The following RTF2 variants were observed in gnomAD, a reference collection of about 807,000 sequenced individuals.
RTF2 encodes replication termination factor 2, also known as UPF0549 protein C20orf43.
Under a neutral mutation model 38.0 loss-of-function variants are expected in RTF2, and 18 were observed. The observed-to-expected ratio is 0.47, with a 90% confidence interval of 0.33 to 0.70. The LOEUF (loss-of-function observed/expected upper bound fraction) is 0.70. Among genes scored for constraint, RTF2 ranks in the 30% least tolerant of loss-of-function variants. The pLI is 0.02. For missense variants in RTF2, 311 were observed against 379.6 expected (o/e 0.82, Z 1.50); for synonymous variants, 126 against 137.1 (o/e 0.92, Z 0.57).
chr20:56,492,594 T>G lies in RTF2; in HGVS notation c.477+8405T>G, dbSNP rs543684391. Among the ~76,000 whole-genome samples the G allele has an allele frequency of 5.3e-5, 8 of 151,754 alleles. No homozygotes were observed. The East Asian group carries it at 1.6e-3, about 31-fold the overall frequency. On this transcript the variant is annotated intron_variant, in intron 5 of 8. Coordinates refer to ENST00000357348, the MANE Select transcript of RTF2 (RefSeq NM_016407.5). ...TTTTTTTTAAAGTGGGAATTAGAGTTGGAATCCAGTGGTGACTGGATTCCT... is the reference window on the plus strand; with the variant it reads ...TTTTTTTTAAAGTGGGAATTAGAGTGGGAATCCAGTGGTGACTGGATTCCT...
intron 5 of RTF2, among the ~76,000 whole-genome samples, chr20:56,492,678 C>G (rs1452999855): frequency 6.6e-6 from 1 of 151,958 alleles, no homozygotes; most frequent in African/African-American, 2.4e-5. Context: ...TCTTTCTGCT[C>G]TTGCTTTTAA....
intron 4 of RTF2, 50 bp from the exon 5 acceptor site, chr20:56,484,061 A>G (rs779307614): frequency 6.7e-7 from 1 of 1,488,122 alleles, no homozygotes; most frequent in African/African-American, 1.4e-5. Flanking sequence ...ATAAATGTGA[A>G]TTGATCATGT....
chr20:56,472,087 G>A (rs1981999544), intron 1 of RTF2, among the ~76,000 whole-genome samples: 1 of 151,296 alleles, frequency 6.6e-6, no homozygotes, highest in Admixed American at 6.6e-5. Context: ...GCTGGGAATT[G>A]GCGCTTGCTT....
intron 5 of RTF2, among the ~76,000 whole-genome samples, chr20:56,511,109 C>G (rs1984637384): frequency 6.6e-6 from 1 of 152,062 alleles, no homozygotes; most frequent in African/African-American, 2.4e-5. Context: ...CATGGTAAAA[C>G]TTATTTTTTT....
rs541963959 is a variant in RTF2 at position 56,474,585 on chromosome 20, A to C, written c.165-93A>C. On this transcript the variant is annotated intron_variant, in intron 2 of 8. Transcript: ENST00000357348. ...TCAGGGTATTTCTCTTATCAAATGT[A>C]AACGACTTTTGGATTGTGTTCAGTT... The C allele has an allele frequency of 5.5e-6, 4 of 722,740 alleles. No homozygotes were observed. The Admixed American group carries it at 1.1e-4, about 20-fold the overall frequency. The allele number at this position is 722,740 out of a possible 1,614,324, so 44.8% of individuals were successfully genotyped here.
chr20:56,495,952 G>C (rs995010222), intron 5 of RTF2, among the ~76,000 whole-genome samples: 2 of 152,204 alleles, frequency 1.3e-5, no homozygotes, highest in African/African-American at 4.8e-5. Context: ...CCATCTTACA[G>C]AGAGCCCTTA....
chr20:56,510,671 G>A (rs1039610515), intron 5 of RTF2, among the ~76,000 whole-genome samples: 24 of 152,242 alleles, frequency 1.6e-4, no homozygotes, highest in Non-Finnish European at 3.1e-4. Context: ...TAGGCATGGT[G>A]GCTCACGCCT....
chr20:56,473,368 G>T lies in RTF2; in HGVS notation c.137G>T (p.Arg46Leu). 4 of 1,613,016 alleles carry T rather than the reference G, an allele frequency of 2.5e-6. No individual in the cohort carries two copies. The South Asian group carries it at 4.4e-5, about 18-fold the overall frequency. ...YCTLSQEILR[R>L]PIVACELGRL... is the part of the protein sequence containing the mutation. ...ACTCTAAGTCAGGAAATATTAAGAC[G>T]ACCAATAGTTGCCTGTGAACTTGGC... is the stretch of plus-strand genomic sequence containing the variant. The change falls in exon 2 of 9, where the codon CGA becomes CTA. Residue 46 changes from arginine to leucine, a missense_variant. By Grantham distance (102) the Arg-to-Leu change is moderately radical. Transcript: ENST00000357348.
Position 56,484,133 on chromosome 20 carries a change from G to A in RTF2, c.421G>A (p.Gly141Ser), listed in dbSNP as rs760304536. The A allele has an allele frequency of 4.3e-6, 7 of 1,613,932 alleles. No homozygotes were observed. Among genetic ancestry groups the A allele is most frequent in the East Asian group, 2.2e-5 (1 of 44,888 alleles). ...CAGGTTCTGCTTCCTTCGGTGCTGC[G>A]GCTGTGTGTTTTCTGAGCGAGCCTT... is the stretch of plus-strand genomic sequence containing the variant. ...RHRFCFLRCCGCVFSERALKE... is the reference protein window; with the variant it reads ...RHRFCFLRCCSCVFSERALKE... The change falls in exon 5 of 9, where the codon GGC (glycine) becomes AGC (serine). Residue 141 changes from glycine to serine, a missense_variant. Coordinates refer to ENST00000357348, the MANE Select transcript of RTF2 (RefSeq NM_016407.5).
At position 56,517,200 on chromosome 20, in the gene RTF2, A is replaced by G; in HGVS notation, c.741A>G (p.Thr247=). 2 of 1,613,390 alleles carry G rather than the reference A, an allele frequency of 1.2e-6. No individual in the cohort carries two copies. Among genetic ancestry groups the G allele is most frequent in the Non-Finnish European group, 1.7e-6 (2 of 1,179,458 alleles). Residue 247 remains threonine (T), a splice_region_variant and synonymous_variant, in exon 8 of 9, where the codon ACA becomes ACG. Coordinates refer to ENST00000357348, the MANE Select transcript of RTF2 (RefSeq NM_016407.5). ...AAACCAACTTGGCTCCCAAAAGCAC[A>G]GGTGGGTCCTGTTGTAGCTACAGGG... The part of the protein sequence containing the change: ...EKKTNLAPKS[T]AMNESSSGKA...
intron 5 of RTF2, among the ~76,000 whole-genome samples, chr20:56,495,691 T>G (rs963611399): frequency 6.6e-6 from 1 of 152,198 alleles, no homozygotes; most frequent in Non-Finnish European, 1.5e-5. Flanking sequence ...AAATCAAACT[T>G]GCAGTGGACA....
At chr20:56,477,256 G>A (rs764009717) in intron 4 of RTF2, 132 bp downstream of exon 4, 3 of 980,130 alleles carry the variant, frequency 3.1e-6, no homozygotes, top group African/African-American at 3.3e-5. Flanking sequence ...GCGCCTTGGA[G>A]GAAATGGTGC....
chr20:56,472,444 G>A lies in RTF2; in HGVS notation c.70-857G>A, dbSNP rs927077731. 7.4e-6 allele frequency: 10 copies of A among 1,348,576 alleles called. No homozygotes were observed. The African/African-American group carries it at 1.3e-4, about 18-fold the overall frequency. 83.5% of individuals were successfully genotyped at this position (1,348,576 alleles called of 1,614,324 possible). ...TGTGAAAATGTCATTCGAGGGCCAG[G>A]GAGGGTCTTATGTCTGGATTTTCAT... is the stretch of plus-strand genomic sequence containing the variant. On this transcript the variant is annotated intron_variant, in intron 1 of 8. Coordinates refer to ENST00000357348, the MANE Select transcript of RTF2 (RefSeq NM_016407.5).
chr20:56,505,805 G>C (rs1322938967), intron 5 of RTF2, among the ~76,000 whole-genome samples: 2 of 152,002 alleles, frequency 1.3e-5, no homozygotes, highest in Admixed American at 1.3e-4. Context: ...AATGGACAAA[G>C]GGTAAATCGG....
At chr20:56,514,847 A>ATATC (rs1263495491) in intron 6 of RTF2, among the ~76,000 whole-genome samples, 1 of 152,226 alleles carries the variant, frequency 6.6e-6, no homozygotes, top group Non-Finnish European at 1.5e-5. Context: ...GTGGAGCAAT[A>ATATC]TTATAAGATG....
chr20:56,468,640 G>C lies in RTF2; in HGVS notation c.-58G>C. 6.7e-7 allele frequency: 1 copy of C among 1,495,974 alleles called. No individual in the cohort carries two copies. Among genetic ancestry groups the C allele is most frequent in the South Asian group, 1.2e-5 (1 of 82,872 alleles). The allele number at this position is 1,495,974 out of a possible 1,614,324, so 92.7% of individuals were successfully genotyped here. On this transcript the variant is annotated 5_prime_UTR_variant, in exon 1 of 9. Transcript: ENST00000357348. ...CCGGAAGTGGCTGCGGATTTCGCCGGAAATCCCGGAAGTGACAGCTTTGGG... is the reference window on the plus strand; with the variant it reads ...CCGGAAGTGGCTGCGGATTTCGCCGCAAATCCCGGAAGTGACAGCTTTGGG...
chr20:56,500,815 CT>C lies in RTF2; in HGVS notation c.478-12498del, dbSNP rs529466770. On this transcript the variant is annotated intron_variant, in intron 5 of 8. Coordinates refer to ENST00000357348, the MANE Select transcript of RTF2 (RefSeq NM_016407.5). ...CTTTTTTTTGAGACAAGGCCTCACT[CT>C]TATCACTCAGGCTGGAGTGCAGTGG... Among the ~76,000 whole-genome samples, 652 of 152,254 alleles carry C rather than the reference CT, an allele frequency of 4.3e-3. 5 individuals carry two copies. Among genetic ancestry groups the C allele is most frequent in the African/African-American group, 0.014 (585 of 41,550 alleles).
At position 56,510,001 on chromosome 20, in the gene RTF2, CAT is replaced by C. The variant is rs376863984; in HGVS notation, c.478-3313_478-3312del. Among the ~76,000 whole-genome samples the C allele has an allele frequency of 9.4e-4, 139 of 148,318 alleles. 1 individual carries two copies. The highest frequency in any genetic ancestry group is 3.2e-3 in the African/African-American group (127 of 39,656). The stretch of plus-strand genomic sequence containing the variant: ...AAAATCCAGTCACAAAAAAAAAAAA[CAT>C]GTATATTGTATGATTTCATTTATAG... On this transcript the variant is annotated intron_variant, in intron 5 of 8. Transcript: ENST00000357348.
intron 5 of RTF2, among the ~76,000 whole-genome samples, chr20:56,511,603 A>G (rs542531053): frequency 4.7e-4 from 71 of 152,214 alleles, no homozygotes; most frequent in African/African-American, 1.7e-3. Context: ...TCTCAACCTC[A>G]GCACAGGGGC....
Sources: gnomAD v4.1 joint callset for allele counts (sites outside exome capture counted in the v4.1 genomes callset) on GRCh38, gnomAD v4.1.1 for gene constraint, MANE v1.5 for transcripts, NCBI Gene and HGNC (gene_info 2026-07-23, HGNC 2026-07-21) for gene names.